Variants in ZNF366 observed in about 807,000 individuals in gnomAD.
ZNF366 encodes the protein dendritic cell-specific transcript protein.
Under a neutral mutation model 47.2 loss-of-function variants are expected in ZNF366, and 20 were observed. That is an observed-to-expected ratio of 0.42 (90% CI 0.30 to 0.62). The LOEUF (loss-of-function observed/expected upper bound fraction) is 0.62, where lower values mean the gene tolerates loss of function less well. Among genes scored for constraint, ZNF366 ranks in the 20% least tolerant of loss-of-function variants. ZNF366 has a pLI of 0.16. For missense variants in ZNF366, 987 were observed against 976.3 expected, an observed-to-expected ratio of 1.01 and a Z score of -0.15; for synonymous variants, 421 against 395.1, an observed-to-expected ratio of 1.07 and a Z score of -0.78.
At chr5:72,489,195 A>G (rs1743955898) in intron 1 of ZNF366, among the ~76,000 whole-genome samples, 1 of 152,104 alleles carries the variant, frequency 6.6e-6, no homozygotes, top group Admixed American at 6.5e-5. Flanking sequence ...AAGCAACACA[A>G]CAAGACCCCA....
chr5:72,490,171 T>C (rs2112350785), intron 1 of ZNF366, among the ~76,000 whole-genome samples: 1 of 152,290 alleles, frequency 6.6e-6, no homozygotes, highest in African/African-American at 2.4e-5. Flanking sequence ...GTCAACAGGG[T>C]CAATGTTGCT....
intron 1 of ZNF366, among the ~76,000 whole-genome samples, chr5:72,482,749 TG>T (rs1743814966): frequency 3.6e-5 from 5 of 138,574 alleles, no homozygotes; most frequent in Non-Finnish European, 7.6e-5. Context: ...TTCTATTTTG[TG>T]TGTGTGTGTG....
chr5:72,477,981 T>C (rs970670757), intron 1 of ZNF366, among the ~76,000 whole-genome samples: 1 of 152,224 alleles, frequency 6.6e-6, no homozygotes, highest in Non-Finnish European at 1.5e-5. Context: ...AGCCCACTTA[T>C]ATAATGGCCT....
Position 72,444,112 on chromosome 5 carries a change from C to T in ZNF366, c.1879G>A (p.Glu627Lys), listed in dbSNP as rs763213485. The change falls in exon 5 of 5, where the codon GAG becomes AAG. Residue 627 changes from glutamate to lysine, a missense_variant. Around this residue, in one of 3 missense-constraint regions of ZNF366, gnomAD observed 285 missense variants for 234.8 expected, o/e 1.21. Transcript: ENST00000318442. ...AGGCCAGGGCTGTAGGGCTCCACCT[C>T]GTAGCAGTTATCCTCCTCTTCCTCC... ...HEEEEEDNCY[E>K]VEPYSPGLAP... 11 of 1,613,916 alleles carry T rather than the reference C, an allele frequency of 6.8e-6. No homozygotes were observed. The highest frequency in any genetic ancestry group is 1.7e-5 in the Admixed American group (1 of 60,004).
intron 1 of ZNF366, among the ~76,000 whole-genome samples, chr5:72,485,868 A>C (rs1159148354): frequency 6.6e-6 from 1 of 152,076 alleles, no homozygotes. Context: ...GGCACACACC[A>C]GGCATTCTCC....
Position 72,443,760 on chromosome 5 carries a change from A to G in ZNF366, c.2231T>C (p.Ile744Thr), listed in dbSNP as rs750134552. 3.7e-6 allele frequency: 6 copies of G among 1,608,564 alleles called. No homozygotes were observed. The highest frequency in any genetic ancestry group is 5.1e-6 in the Non-Finnish European group (6 of 1,176,952). Residue 744 changes from isoleucine to threonine, a missense_variant, in exon 5 of 5, where the codon ATC (isoleucine) becomes ACC (threonine). Physicochemically the swap from Ile to Thr is moderately conservative, Grantham distance 89. This residue lies in a region of ZNF366 where 285 missense variants were observed against 234.8 expected (regional missense o/e 1.21). Transcript: ENST00000318442. ...TGTAATTTTAAAACTGTCCACTTAG[A>G]TACCTAAAAGCACTGCTTGTTTTTC... is the stretch of plus-strand genomic sequence containing the variant. ...KMEKQAVLLG[I>T]
At chr5:72,456,976 A>C (rs1743202194) in intron 2 of ZNF366, among the ~76,000 whole-genome samples, 1 of 152,200 alleles carries the variant, frequency 6.6e-6, no homozygotes, top group African/African-American at 2.4e-5. Flanking sequence ...ATAATGAAAA[A>C]AAAATCTTCC....
chr5:72,474,277 C>T (rs182397526), intron 1 of ZNF366, among the ~76,000 whole-genome samples: 82 of 152,304 alleles, frequency 5.4e-4, no homozygotes, highest in Non-Finnish European at 7.4e-5. Flanking sequence ...TCAGAACTCT[C>T]AGGCTCCTGC....
chr5:72,476,769 T>C (rs1374460833), intron 1 of ZNF366, among the ~76,000 whole-genome samples: 1 of 152,104 alleles, frequency 6.6e-6, no homozygotes, highest in Non-Finnish European at 1.5e-5. Context: ...CTTCTCTCCA[T>C]CCCACATCAA....
At chr5:72,470,700 A>C (rs1285334405) in intron 1 of ZNF366, among the ~76,000 whole-genome samples, 1 of 152,014 alleles carries the variant, frequency 6.6e-6, no homozygotes, top group Non-Finnish European at 1.5e-5. Flanking sequence ...CCCAAGCAAA[A>C]TTTTTCCATT....
intron 3 of ZNF366, among the ~76,000 whole-genome samples, chr5:72,454,752 T>C (rs1228918747): frequency 6.6e-6 from 1 of 152,220 alleles, no homozygotes; most frequent in East Asian, 1.9e-4. Flanking sequence ...ACCTCCATTG[T>C]AGGAGACAGT....
rs34375286 is a variant in ZNF366 at position 72,503,530 on chromosome 5, T to TACAC, written c.-15+3717_-15+3720dup. Among the ~76,000 whole-genome samples, 579 of 148,830 alleles carry TACAC rather than the reference T, an allele frequency of 3.9e-3. 5 individuals carry two copies. The highest frequency in any genetic ancestry group is 0.012 in the African/African-American group (495 of 40,708). On this transcript the variant is annotated intron_variant, in intron 1 of 4. Transcript: ENST00000318442. ...AAACAAGCCCGTAGGTGAATTCTAA[T>TACAC]ACACACACACACACACACACACACA...
At chr5:72,449,603 A>C (rs1743024200) in intron 3 of ZNF366, among the ~76,000 whole-genome samples, 1 of 152,200 alleles carries the variant, frequency 6.6e-6, no homozygotes, top group Non-Finnish European at 1.5e-5. Flanking sequence ...TTTTAGAAAA[A>C]GCTTACCTCA....
At chr5:72,493,028 A>G (rs148939385) in intron 1 of ZNF366, among the ~76,000 whole-genome samples, 42 of 152,344 alleles carry the variant, frequency 2.8e-4, no homozygotes, top group African/African-American at 9.9e-4. Flanking sequence ...ACCAAAATGA[A>G]TATTCCCCAA....
At chr5:72,474,169 AC>A (rs1443272618) in intron 1 of ZNF366, among the ~76,000 whole-genome samples, 4 of 152,196 alleles carry the variant, frequency 2.6e-5, no homozygotes, top group Non-Finnish European at 4.4e-5. Context: ...CTGGAGATGA[AC>A]CTTTAACCTC....
chr5:72,496,379 T>C (rs1300632720), intron 1 of ZNF366, among the ~76,000 whole-genome samples: 2 of 152,260 alleles, frequency 1.3e-5, no homozygotes, highest in Non-Finnish European at 2.9e-5. Context: ...TGATATTTAC[T>C]GTGTGTCTGG....
rs1743276202 is a variant in ZNF366 at position 72,460,380 on chromosome 5, C to T, written c.1117G>A (p.Asp373Asn). 6 of 1,614,092 alleles carry T rather than the reference C, an allele frequency of 3.7e-6. No individual in the cohort carries two copies. The highest frequency in any genetic ancestry group is 1.1e-5 in the South Asian group (1 of 91,084). ...RENICVECGLDFPTLAQLKRH... is the reference protein window; with the variant it reads ...RENICVECGLNFPTLAQLKRH... ...TTCAGCTGGGCCAAGGTGGGGAAGT[C>T]GAGGCCGCACTCCACACAGATGTTC... Residue 373 changes from aspartate (D) to asparagine (N), a missense_variant, in exon 2 of 5, where the codon GAC becomes AAC. Transcript: ENST00000318442.
chr5:72,484,483 C>CA (rs770305478), intron 1 of ZNF366, among the ~76,000 whole-genome samples: 1,618 of 129,826 alleles, frequency 0.012, 19 homozygotes, highest in Middle Eastern at 0.061. Flanking sequence ...GACTCCGTCT[C>CA]AAAAAAAAAA....
rs145676992 is a variant in ZNF366, at chr5:72,461,147, G to A, written c.350C>T (p.Pro117Leu). 71 of 1,614,160 alleles carry A rather than the reference G, an allele frequency of 4.4e-5. No homozygotes were observed. Among genetic ancestry groups the A allele is most frequent in the African/African-American group, 4.3e-4 (32 of 75,028 alleles). Reference sequence around the variant, plus strand: ...GTCATACTTGGGGCGCGGGGGCTGCGGGAACAGCAAAGGGAGGTTGGGAAG... The same window carrying A: ...GTCATACTTGGGGCGCGGGGGCTGCAGGAACAGCAAAGGGAGGTTGGGAAG... ...HGLPNLPLLF[P>L]QPPRPKYDSQ... The change falls in exon 2 of 5, where the codon CCG (proline) becomes CTG (leucine). Residue 117 changes from proline to leucine, a missense_variant. Coordinates refer to ENST00000318442, the MANE Select transcript of ZNF366 (RefSeq NM_152625.3).
Sources: allele counts gnomAD v4.1 joint callset (sites outside exome capture counted in the v4.1 genomes callset), GRCh38; gene constraint gnomAD v4.1.1; regional missense constraint gnomAD v4.1.1; transcripts MANE v1.5; gene names NCBI Gene and HGNC (gene_info 2026-07-23, HGNC 2026-07-21).